The following SLC24A2 variants were observed in gnomAD, a reference collection of about 807,000 sequenced individuals.
SLC24A2 encodes the protein sodium/potassium/calcium exchanger 2.
Under a neutral mutation model 62.0 loss-of-function variants are expected in SLC24A2, and 36 were observed. The observed-to-expected ratio is 0.58, with a 90% CI of 0.44 to 0.77. The LOEUF (loss-of-function observed/expected upper bound fraction) is 0.77, where lower values mean the gene tolerates loss of function less well. SLC24A2 is among the 30% of genes least tolerant of loss of function. The probability of loss-of-function intolerance (pLI) is 0.00; values close to 1 mark genes in which losing one functional copy is unlikely to be tolerated. For missense variants in SLC24A2, 846 were observed against 817.9 expected (o/e 1.03, Z -0.42); for synonymous variants, 358 against 294.0 (o/e 1.22, Z -2.23).
chr9:19,755,989 G>C (rs746344921), intron 2 of SLC24A2, among the ~76,000 whole-genome samples: 110 of 152,280 alleles, frequency 7.2e-4, no homozygotes, highest in Non-Finnish European at 9.6e-4. Flanking sequence ...ACCTAGGAGA[G>C]ACAATCCCTT....
intron 2 of SLC24A2, among the ~76,000 whole-genome samples, chr9:19,762,550 A>G (rs980866907): frequency 6.6e-6 from 1 of 152,180 alleles, no homozygotes; most frequent in East Asian, 1.9e-4. Flanking sequence ...TCCCAACACC[A>G]TTTATTAAAT....
chr9:19,787,541 G>A (rs983182005), intron 1 of SLC24A2, among the ~76,000 whole-genome samples: 2 of 152,096 alleles, frequency 1.3e-5, no homozygotes, highest in South Asian at 4.1e-4. Context: ...GAAAGTGAGT[G>A]ATTCTTTAAT....
intron 10 of SLC24A2, 56 bp from the exon 11 acceptor site, chr9:19,516,458 C>T (rs1167067899): frequency 6.3e-6 from 10 of 1,597,684 alleles, no homozygotes; most frequent in Non-Finnish European, 8.5e-6. Context: ...AGTAGTCAGA[C>T]ACGTTGAAGA....
chr9:20,235,690 A>C, the SLC24A2 span, among the ~76,000 whole-genome samples: 1 of 152,266 alleles, frequency 6.6e-6, no homozygotes, highest in African/African-American at 2.4e-5. Context: ...GGGTGAGGCA[A>C]TGCCTTGCCC....
chr9:19,792,588 A>G, upstream of SLC24A2, among the ~76,000 whole-genome samples: 1 of 150,986 alleles, frequency 6.6e-6, no homozygotes, highest in Admixed American at 6.6e-5. Flanking sequence ...GGTGCCTGTA[A>G]TCCCAGCTAC....
chr9:19,755,279 T>C (rs1387755026), intron 2 of SLC24A2, among the ~76,000 whole-genome samples: 1 of 152,206 alleles, frequency 6.6e-6, no homozygotes, highest in African/African-American at 2.4e-5. Flanking sequence ...TAGTTTTTTC[T>C]TGTCCTAAGT....
chr9:19,602,674 T>G (rs1295750733), intron 4 of SLC24A2, among the ~76,000 whole-genome samples: 1 of 152,062 alleles, frequency 6.6e-6, no homozygotes, highest in African/African-American at 2.4e-5. Flanking sequence ...GTTAAAAGAG[T>G]GTGTTCTGGG....
intron 8 of SLC24A2, among the ~76,000 whole-genome samples, chr9:19,544,546 A>T (rs887421894): frequency 3.3e-5 from 5 of 152,040 alleles, no homozygotes; most frequent in Non-Finnish European, 7.4e-5. Flanking sequence ...ACAATTTGGT[A>T]TGTTTTTGCA....
chr9:20,072,847 G>A, the SLC24A2 span, among the ~76,000 whole-genome samples: 116 of 152,124 alleles, frequency 7.6e-4, no homozygotes, highest in Non-Finnish European at 1.3e-3. Context: ...AAGCAGACCC[G>A]CTAATACATT....
chr9:20,071,835 G>C, the SLC24A2 span, among the ~76,000 whole-genome samples: 1 of 152,094 alleles, frequency 6.6e-6, no homozygotes, highest in African/African-American at 2.4e-5. Flanking sequence ...CTTCAAGTTG[G>C]GGTTCCTACA....
chr9:20,107,250 G>A, the SLC24A2 span, among the ~76,000 whole-genome samples: 2,192 of 152,076 alleles, frequency 0.014, 71 homozygotes, highest in African/African-American at 0.05. Flanking sequence ...AATCAATATC[G>A]TGAAAATGGC....
chr9:19,864,736 G>T, the SLC24A2 span, among the ~76,000 whole-genome samples: 1 of 152,094 alleles, frequency 6.6e-6, no homozygotes, highest in Non-Finnish European at 1.5e-5. Flanking sequence ...GTATCATATT[G>T]AATGGGGATA....
chr9:19,718,871 G>C (rs1820943105), intron 2 of SLC24A2, among the ~76,000 whole-genome samples: 1 of 152,246 alleles, frequency 6.6e-6, no homozygotes, highest in African/African-American at 2.4e-5. Context: ...GACTCTCTCT[G>C]AATTTATGCT....
chr9:19,689,531 G>A (rs575325000), intron 2 of SLC24A2, among the ~76,000 whole-genome samples: 65 of 152,214 alleles, frequency 4.3e-4, no homozygotes, highest in Middle Eastern at 6.8e-3. Flanking sequence ...GATAGATGAC[G>A]TCATGTTTAT....
At chr9:20,214,202 C>T in the SLC24A2 span, among the ~76,000 whole-genome samples, 40 of 152,170 alleles carry the variant, frequency 2.6e-4, no homozygotes, top group Non-Finnish European at 4.3e-4. Context: ...CATCGTGAGG[C>T]GATAGGAAGG....
the SLC24A2 span, among the ~76,000 whole-genome samples, chr9:20,231,667 A>G: frequency 6.6e-6 from 1 of 152,198 alleles, no homozygotes; most frequent in Non-Finnish European, 1.5e-5. Flanking sequence ...ATATAAAATC[A>G]TGTCATCTGC....
At chr9:20,188,931 G>A in the SLC24A2 span, among the ~76,000 whole-genome samples, 1 of 152,146 alleles carries the variant, frequency 6.6e-6, no homozygotes, top group Non-Finnish European at 1.5e-5. Flanking sequence ...GCAGCATTGG[G>A]AAATTAATAC....
intron 6 of SLC24A2, among the ~76,000 whole-genome samples, chr9:19,574,161 G>A (rs1331034573): frequency 6.6e-6 from 1 of 152,204 alleles, no homozygotes; most frequent in Non-Finnish European, 1.5e-5. Flanking sequence ...AACTCTTCCA[G>A]TGCCTAGGTG....
chr9:19,968,313 C>T, the SLC24A2 span, among the ~76,000 whole-genome samples: 1 of 152,120 alleles, frequency 6.6e-6, no homozygotes, highest in Non-Finnish European at 1.5e-5. Context: ...GTTTTCTTTT[C>T]TTTTTAACCT....
Sources: gnomAD v4.1 joint callset for allele counts (sites outside exome capture counted in the v4.1 genomes callset) on GRCh38, gnomAD v4.1.1 for gene constraint, MANE v1.5 for transcripts, NCBI Gene and HGNC (gene_info 2026-07-23, HGNC 2026-07-21) for gene names.